The following SYNE1 variants were observed in gnomAD, a reference collection of about 807,000 sequenced individuals.
The protein encoded by SYNE1 is spectrin repeat containing nuclear envelope protein 1, also known as nesprin-1.
A neutral mutation model predicts 1,111.0 loss-of-function variants in SYNE1; 616 were observed. The ratio of observed to expected loss-of-function variants is 0.55; its 90% CI spans 0.52 to 0.59. SYNE1 has a LOEUF of 0.59. Ranked by LOEUF, SYNE1 falls within the 20% of genes least tolerant of loss-of-function variation. The probability of loss-of-function intolerance (pLI) is 0.00; values close to 1 mark genes in which losing one functional copy is unlikely to be tolerated. For synonymous variants in SYNE1, 3,855 were observed against 3,825.8 expected, an observed-to-expected ratio of 1.01 and a Z score of -0.28; for missense variants, 10,006 against 10,417.0, an observed-to-expected ratio of 0.96 and a Z score of 1.72.
At chr6:152,441,365 T>C (rs1435742802) in intron 31 of SYNE1, 95 bp from the exon 32 acceptor site, 2 of 1,344,356 alleles carry the variant, frequency 1.5e-6, no homozygotes, top group Non-Finnish European at 2.1e-6. Flanking sequence ...TTTCAGCGAA[T>C]TCTCATTTCA....
chr6:152,191,848 G>C (rs971643628), intron 127 of SYNE1, among the ~76,000 whole-genome samples: 2 of 151,308 alleles, frequency 1.3e-5, no homozygotes, highest in Non-Finnish European at 3.0e-5. Context: ...TTATTTATTT[G>C]AAGTTTTTCT....
At chr6:152,255,471 T>C in intron 103 of SYNE1, 120 bp downstream of exon 103, 1 of 1,173,116 alleles carries the variant, frequency 8.5e-7, no homozygotes, top group Non-Finnish European at 1.3e-6. Context: ...AGCAATTATG[T>C]TCTGCATTAT....
chr6:152,332,535 G>A (rs2096271855), intron 77 of SYNE1, among the ~76,000 whole-genome samples: 1 of 152,140 alleles, frequency 6.6e-6, no homozygotes, highest in Non-Finnish European at 1.5e-5. Context: ...TGGATGTTTT[G>A]TGTAATGTTA....
At chr6:152,562,160 T>A (rs1228308627) in intron 3 of SYNE1, among the ~76,000 whole-genome samples, 2 of 151,968 alleles carry the variant, frequency 1.3e-5, no homozygotes. Flanking sequence ...AACCACACAA[T>A]TGATAAGGGA....
At chr6:152,470,271 A>G (rs2098798153) in intron 16 of SYNE1, among the ~76,000 whole-genome samples, 1 of 152,198 alleles carries the variant, frequency 6.6e-6, no homozygotes, top group Non-Finnish European at 1.5e-5. Flanking sequence ...GAATAGTCTT[A>G]TTAGCTGTTT....
At chr6:152,139,803 G>A in intron 140 of SYNE1, 147 bp downstream of exon 140, 1 of 756,686 alleles carries the variant, frequency 1.3e-6, no homozygotes, top group Non-Finnish European at 2.3e-6. Context: ...GGGATGGCTG[G>A]AGGTGAGGAG....
chr6:152,366,693 C>T (rs913686761), intron 62 of SYNE1, among the ~76,000 whole-genome samples: 12 of 152,106 alleles, frequency 7.9e-5, no homozygotes, highest in Non-Finnish European at 1.8e-4. Flanking sequence ...CAGTAAAACC[C>T]CTGAGGAAAA....
intron 126 of SYNE1, among the ~76,000 whole-genome samples, chr6:152,204,627 G>A (rs1338722300): frequency 6.6e-6 from 1 of 152,152 alleles, no homozygotes; most frequent in Non-Finnish European, 1.5e-5. Flanking sequence ...GCAAACGGAT[G>A]TAGTGTAAAA....
chr6:152,231,742 T>G (rs1189406587), intron 113 of SYNE1, among the ~76,000 whole-genome samples, 175 bp from the exon 114 acceptor site: 1 of 151,690 alleles, frequency 6.6e-6, no homozygotes, highest in African/African-American at 2.4e-5. Flanking sequence ...GAATATATAT[T>G]TGTATACGTT....
intron 95 of SYNE1, among the ~76,000 whole-genome samples, chr6:152,291,952 A>G (rs1249217607): frequency 6.6e-6 from 1 of 152,176 alleles, no homozygotes; most frequent in East Asian, 1.9e-4. Context: ...TGGCCTGAGG[A>G]GCACATACTC....
intron 130 of SYNE1, 48 bp from the exon 131 acceptor site, chr6:152,164,373 CA>C: frequency 6.8e-6 from 11 of 1,609,436 alleles, no homozygotes; most frequent in Non-Finnish European, 9.3e-6. Flanking sequence ...GAGGCCCACT[CA>C]TGTTTCTCTA....
rs372285648 is a variant in SYNE1 at position 152,244,540 on chromosome 6, G to T, written c.19689C>A (p.Leu6563=). 39 of 1,614,044 alleles carry T rather than the reference G, an allele frequency of 2.4e-5. No homozygotes were observed. The African/African-American group carries it at 4.8e-4, about 20-fold the overall frequency. ...TACTACTGGCTGAAGGCTGCACCTG[G>T]AGCTTGGAGAGTTCTTGCATGGACG... ...EQPSMQELSK[L]QDMYDELMMI... Residue 6563 remains leucine (L), a synonymous_variant, in exon 106 of 146, where the codon CTC becomes CTA. Transcript: ENST00000367255.
rs149208944 is a variant in SYNE1 at position 152,423,623 on chromosome 6, A to G, written c.5267+1758T>C. Among the ~76,000 whole-genome samples the G allele has an allele frequency of 2.2e-3, 334 of 152,330 alleles. 2 individuals are homozygous for G. The highest frequency in any genetic ancestry group is 7.7e-3 in the African/African-American group (320 of 41,576). Reference sequence around the variant, plus strand: ...TAGATAATAAGTAAACATGATTTCAAGTGAACAGGGCATTCCCTGTCCTTA... The same window carrying G: ...TAGATAATAAGTAAACATGATTTCAGGTGAACAGGGCATTCCCTGTCCTTA... On this transcript the variant is annotated intron_variant, in intron 39 of 145. Transcript: ENST00000367255.
chr6:152,265,780 A>G (rs1374200213), intron 100 of SYNE1, among the ~76,000 whole-genome samples: 1 of 152,156 alleles, frequency 6.6e-6, no homozygotes, highest in Non-Finnish European at 1.5e-5. Flanking sequence ...GGCACCCTCC[A>G]TCAACCCTCG....
chr6:152,225,077 C>A (rs1020239330), intron 116 of SYNE1, among the ~76,000 whole-genome samples: 3 of 150,720 alleles, frequency 2.0e-5, no homozygotes, highest in Non-Finnish European at 3.0e-5. Context: ...TCATTTAATC[C>A]TCACAACACC....
chr6:152,567,440 G>C (rs905891735), intron 3 of SYNE1, among the ~76,000 whole-genome samples: 2 of 152,090 alleles, frequency 1.3e-5, no homozygotes, highest in African/African-American at 4.8e-5. Context: ...TAATAGTAAA[G>C]ATCGTAATTA....
rs985960682 is a variant in SYNE1, at chr6:152,358,457, C to T, written c.10524G>A (p.Leu3508=). The part of the protein sequence containing the change: ...QRDLKAFEVW[L]GQEQEKLDQY... ...GGTCGAGCTTTTCTTGTTCTTGCCC[C>T]AACCAAACTTCAAATGCCTTTAGGT... The change falls in exon 66 of 146, where the codon TTG becomes TTA. Residue 3508 remains leucine (L), a synonymous_variant. Coordinates refer to ENST00000367255, the MANE Select transcript of SYNE1 (RefSeq NM_182961.4). The T allele has an allele frequency of 7.4e-6, 12 of 1,614,012 alleles. No homozygotes were observed. The African/African-American group carries it at 8.0e-5, about 11-fold the overall frequency.
At chr6:152,212,065 T>A (rs2077626264) in intron 123 of SYNE1, among the ~76,000 whole-genome samples, 2 of 152,122 alleles carry the variant, frequency 1.3e-5, no homozygotes, top group Admixed American at 6.5e-5. Flanking sequence ...TTCACTATTT[T>A]AAAAAACTCA....
At chr6:152,462,455 T>C in intron 20 of SYNE1, 2 of 528,072 alleles carry the variant, frequency 3.8e-6, no homozygotes, top group Non-Finnish European at 6.6e-6. Context: ...GTGCGGGTGC[T>C]ATCTATAGAT....
Sources: gnomAD v4.1 joint callset for allele counts (sites outside exome capture counted in the v4.1 genomes callset) on GRCh38, gnomAD v4.1.1 for gene constraint, MANE v1.5 for transcripts, NCBI Gene and HGNC (gene_info 2026-07-23, HGNC 2026-07-21) for gene names.